Variants in MEGF11 observed in about 807,000 individuals in gnomAD.
MEGF11 encodes the protein multiple EGF like domains 11, also known as multiple epidermal growth factor-like domains protein 11.
In MEGF11, 126 loss-of-function variants were observed where a neutral mutation model predicts 146.6. That is an observed-to-expected ratio of 0.86 (90% CI 0.74 to 1.00). The LOEUF (loss-of-function observed/expected upper bound fraction) is 1.00. Ranked by LOEUF, MEGF11 falls within the 50% of genes least tolerant of loss-of-function variation. The pLI is 0.00. For missense variants in MEGF11, 1,509 were observed against 1,521.2 expected (o/e 0.99, Z 0.13); for synonymous variants, 532 against 583.4 (o/e 0.91, Z 1.27).
At chr15:66,244,874 C>A (rs2092272097) in intron 1 of MEGF11, among the ~76,000 whole-genome samples, 1 of 152,178 alleles carries the variant, frequency 6.6e-6, no homozygotes, top group Non-Finnish European at 1.5e-5. Flanking sequence ...TGGCCACGAC[C>A]CTGGGTATAA....
intron 20 of MEGF11, among the ~76,000 whole-genome samples, chr15:65,912,971 G>A (rs184242617): frequency 6.6e-6 from 1 of 152,330 alleles, no homozygotes; most frequent in Admixed American, 6.5e-5. Flanking sequence ...TGCTCACCCA[G>A]ACAGGCTCAG....
intron 5 of MEGF11, among the ~76,000 whole-genome samples, chr15:66,041,470 T>C (rs1441709550): frequency 6.6e-6 from 1 of 152,232 alleles, no homozygotes; most frequent in Non-Finnish European, 1.5e-5. Flanking sequence ...ACTGCCCCCA[T>C]GCACGGAGGG....
chr15:65,969,392 A>G (rs7168215), intron 8 of MEGF11, among the ~76,000 whole-genome samples: 16,341 of 152,102 alleles, frequency 0.11, 1,481 homozygotes, highest in African/African-American at 0.25. Context: ...CATGCACTCA[A>G]TGTTTCAGCC....
In MEGF11 at chr15:65,970,103, C is replaced by G. The variant is rs150931676; in HGVS notation, c.899+450G>C. ...CATTGGCACCGTCCTTCAGTCTGCT[C>G]TTAAGCCACAAGCCTTCAGAGGATG... On this transcript the variant is annotated intron_variant, in intron 8 of 25. Coordinates refer to ENST00000395614, the MANE Select transcript of MEGF11 (RefSeq NM_001385028.1). Among the ~76,000 whole-genome samples the G allele has an allele frequency of 1.2e-3, 178 of 152,310 alleles. 1 individual carries two copies. Among genetic ancestry groups the G allele is most frequent in the Admixed American group, 2.7e-3 (41 of 15,298 alleles).
intron 1 of MEGF11, among the ~76,000 whole-genome samples, chr15:66,194,978 G>A (rs995174788): frequency 4.6e-5 from 7 of 151,930 alleles, no homozygotes; most frequent in African/African-American, 1.5e-4. Context: ...CTGCTAGATC[G>A]TAAGTGGCAC....
intron 1 of MEGF11, among the ~76,000 whole-genome samples, chr15:66,196,243 G>C (rs755654781): frequency 6.6e-5 from 10 of 152,122 alleles, no homozygotes; most frequent in Non-Finnish European, 1.3e-4. Flanking sequence ...AGGCTGAGGC[G>C]AGTGAATCAC....
intron 4 of MEGF11, among the ~76,000 whole-genome samples, chr15:66,104,413 C>T (rs1189362447): frequency 1.3e-5 from 2 of 152,234 alleles, no homozygotes; most frequent in Non-Finnish European, 2.9e-5. Flanking sequence ...ACCATAGTTA[C>T]CATGAAACTA....
At chr15:66,178,746 G>C (rs879594324) in intron 1 of MEGF11, among the ~76,000 whole-genome samples, 1 of 152,090 alleles carries the variant, frequency 6.6e-6, no homozygotes, top group African/African-American at 2.4e-5. Flanking sequence ...CCCTTCAGAG[G>C]GACCAACCCC....
At chr15:66,021,798 G>T (rs2083144920) in intron 5 of MEGF11, among the ~76,000 whole-genome samples, 1 of 152,202 alleles carries the variant, frequency 6.6e-6, no homozygotes, top group Non-Finnish European at 1.5e-5. Context: ...GAGAGCAGGG[G>T]GAACACTGGC....
chr15:66,242,257 A>T (rs1325511775), intron 1 of MEGF11, among the ~76,000 whole-genome samples: 13 of 151,846 alleles, frequency 8.6e-5, no homozygotes, highest in Admixed American at 8.5e-4. Flanking sequence ...AAAAAATAAA[A>T]AATTATCCTG....
At position 65,928,425 on chromosome 15, in the gene MEGF11, C is replaced by G. The variant is rs1448702277; in HGVS notation, c.1675G>C (p.Gly559Arg). Reference protein sequence around the residue: ...GHCCCLAGWTGIRCDSTCPPG... With the variant: ...GHCCCLAGWTRIRCDSTCPPG... ...TGGTGGCACAGCAAGGGAAGGTTACCTGTCCATCCGGCCAGGCAGCAGCAG... is the reference window on the plus strand; with the variant it reads ...TGGTGGCACAGCAAGGGAAGGTTACGTGTCCATCCGGCCAGGCAGCAGCAG... The change falls in exon 13 of 26, where the codon GGC (glycine) becomes CGC (arginine). Residue 559 changes from glycine to arginine, a missense_variant and splice_region_variant. Transcript: ENST00000395614. 11 of 1,584,938 alleles carry G rather than the reference C, an allele frequency of 6.9e-6. No homozygotes were observed. The highest frequency in any genetic ancestry group is 9.5e-6 in the Non-Finnish European group (11 of 1,161,814).
intron 1 of MEGF11, among the ~76,000 whole-genome samples, chr15:66,234,792 G>A (rs1273726956): frequency 1.3e-5 from 2 of 152,192 alleles, no homozygotes; most frequent in Non-Finnish European, 2.9e-5. Flanking sequence ...ACATGAAGCA[G>A]TCGGTTCAGG....
At chr15:65,954,305 C>A (rs944128894) in intron 10 of MEGF11, among the ~76,000 whole-genome samples, 1 of 152,148 alleles carries the variant, frequency 6.6e-6, no homozygotes, top group East Asian at 1.9e-4. Context: ...CATCTTGAGG[C>A]GAGTCTCTGC....
At chr15:66,188,233 C>T (rs2090765423) in intron 1 of MEGF11, among the ~76,000 whole-genome samples, 1 of 151,638 alleles carries the variant, frequency 6.6e-6, no homozygotes, top group Non-Finnish European at 1.5e-5. Context: ...CACTGGGGAT[C>T]TATATATATA....
At chr15:66,153,902 A>G (rs1440085278) in intron 1 of MEGF11, among the ~76,000 whole-genome samples, 1 of 152,166 alleles carries the variant, frequency 6.6e-6, no homozygotes, top group African/African-American at 2.4e-5. Context: ...CCTGGGCAAC[A>G]GTGGGCCCTC....
At chr15:66,178,077 C>T (rs183596078) in intron 1 of MEGF11, among the ~76,000 whole-genome samples, 31 of 152,258 alleles carry the variant, frequency 2.0e-4, no homozygotes, top group Admixed American at 1.9e-3. Flanking sequence ...TCTACAGCCC[C>T]ACCGCCACTT....
chr15:66,074,138 C>T (rs934254128), intron 5 of MEGF11, among the ~76,000 whole-genome samples: 2 of 152,154 alleles, frequency 1.3e-5, no homozygotes, highest in Non-Finnish European at 2.9e-5. Flanking sequence ...CCAGGGGTAA[C>T]CTGAGCCTGA....
At chr15:65,930,727 G>A in intron 11 of MEGF11, 96 bp downstream of exon 11, 1 of 1,425,048 alleles carries the variant, frequency 7.0e-7, no homozygotes. Flanking sequence ...GGGGGCGGGG[G>A]TTGGGGCAGC....
rs1257019064 is a variant in MEGF11, at chr15:65,897,948, C to T, written c.3409G>A (p.Asp1137Asn). Reference protein sequence around the residue: ...RQSPANGPSQDKQS With the variant: ...RQSPANGPSQNKQS ...GCTTATCCCTCTTAAGATTGCTTGT[C>T]CTGGGACGGCCCATTGGCAGGGCTC... The change falls in exon 26 of 26, where the codon GAC becomes AAC. Residue 1137 changes from aspartate to asparagine, a missense_variant. Coordinates refer to ENST00000395614, the MANE Select transcript of MEGF11 (RefSeq NM_001385028.1). The T allele has an allele frequency of 1.2e-6, 2 of 1,613,824 alleles. No homozygotes were observed. Among genetic ancestry groups the T allele is most frequent in the Admixed American group, 1.7e-5 (1 of 60,018 alleles).
Sources: allele counts gnomAD v4.1 joint callset (sites outside exome capture counted in the v4.1 genomes callset), GRCh38; gene constraint gnomAD v4.1.1; transcripts MANE v1.5; gene names NCBI Gene and HGNC (gene_info 2026-07-23, HGNC 2026-07-21).